ATP9B: variants seen among roughly 807,000 people sequenced by gnomAD.
The protein encoded by ATP9B is ATPase phospholipid transporting 9B.
Under a neutral mutation model 146.1 loss-of-function variants are expected in ATP9B, and 110 were observed. The observed-to-expected ratio is 0.75, with a 90% confidence interval of 0.65 to 0.88. The LOEUF is 0.88. ATP9B is among the 40% of genes least tolerant of loss of function. The pLI is 0.00. For missense variants in ATP9B, 1,499 were observed against 1,496.4 expected, an observed-to-expected ratio of 1.00 and a Z score of -0.03; for synonymous variants, 604 against 569.7, an observed-to-expected ratio of 1.06 and a Z score of -0.86.
chr18:79,213,552 A>G (rs1411550426), intron 10 of ATP9B, among the ~76,000 whole-genome samples: 1 of 152,172 alleles, frequency 6.6e-6, no homozygotes, highest in African/African-American at 2.4e-5. Flanking sequence ...ACACTAAAAG[A>G]AAGTGGTTCA....
intron 2 of ATP9B, among the ~76,000 whole-genome samples, chr18:79,102,750 A>T (rs2075374264): frequency 6.6e-6 from 1 of 152,132 alleles, no homozygotes; most frequent in Non-Finnish European, 1.5e-5. Flanking sequence ...TCCTATGTTG[A>T]GTCTTCTAGA....
intron 6 of ATP9B, among the ~76,000 whole-genome samples, chr18:79,149,132 A>G (rs2094641527): frequency 6.6e-6 from 1 of 152,248 alleles, no homozygotes; most frequent in Admixed American, 6.5e-5. Flanking sequence ...AAGTCTCAGC[A>G]GGGTTTTTTT....
intron 11 of ATP9B, among the ~76,000 whole-genome samples, chr18:79,235,433 G>A (rs138684822): frequency 0.015 from 2,341 of 151,930 alleles, 66 homozygotes; most frequent in African/African-American, 0.054. Flanking sequence ...TGTTTTCTGT[G>A]ACACTTTTTG....
chr18:79,240,202 TACA>T (rs1283618418), intron 11 of ATP9B, among the ~76,000 whole-genome samples: 3 of 152,340 alleles, frequency 2.0e-5, no homozygotes, highest in African/African-American at 7.2e-5. Context: ...TCATTTGGAT[TACA>T]ACATTAAATT....
chr18:79,197,587 A>G (rs2095428229), intron 9 of ATP9B, among the ~76,000 whole-genome samples: 1 of 152,148 alleles, frequency 6.6e-6, no homozygotes, highest in Admixed American at 6.5e-5. Context: ...TTCAGAGTAA[A>G]CTGTGATAAG....
chr18:79,221,135 C>T (rs914531263), intron 11 of ATP9B, among the ~76,000 whole-genome samples: 1 of 152,194 alleles, frequency 6.6e-6, no homozygotes. Flanking sequence ...ACTGTGTGGC[C>T]GAGACCAGGC....
intron 4 of ATP9B, among the ~76,000 whole-genome samples, chr18:79,125,703 T>C (rs1188821603): frequency 9.2e-5 from 14 of 152,194 alleles, no homozygotes; most frequent in Non-Finnish European, 1.6e-4. Flanking sequence ...TAAAAATTTT[T>C]TTCTAGCTAG....
chr18:79,330,124 G>C lies in ATP9B; in HGVS notation c.2028+20G>C, dbSNP rs374517655. On this transcript the variant is annotated intron_variant, in intron 17 of 29. Coordinates refer to ENST00000426216, the MANE Select transcript of ATP9B (RefSeq NM_198531.5). ...GAGGAGGTATGTGAGTGACTCTAGCGTGGTTCACAGTGTTTCTATGGAAGA... is the reference window on the plus strand; with the variant it reads ...GAGGAGGTATGTGAGTGACTCTAGCCTGGTTCACAGTGTTTCTATGGAAGA... The C allele has an allele frequency of 3.1e-6, 5 of 1,603,216 alleles. No individual in the cohort carries two copies. The highest frequency in any genetic ancestry group is 1.7e-5 in the Admixed American group (1 of 59,950).
At position 79,162,452 on chromosome 18, in the gene ATP9B, T is replaced by A. The variant is rs539560464; in HGVS notation, c.778+7897T>A. ...TTCTTTTAGTGGTATTAAGAGAAAT[T>A]AATGCTTTAGAACTAATTTTCATCA... On this transcript the variant is annotated intron_variant, in intron 7 of 29. Transcript: ENST00000426216. 2.6e-5 allele frequency among the ~76,000 whole-genome samples: 4 copies of A among 152,360 alleles called. No individual in the cohort carries two copies. The South Asian group carries it at 8.3e-4, about 32-fold the overall frequency.
intron 1 of ATP9B, among the ~76,000 whole-genome samples, chr18:79,083,773 G>C (rs1385909789): frequency 6.6e-6 from 1 of 152,016 alleles, no homozygotes; most frequent in Non-Finnish European, 1.5e-5. Flanking sequence ...GATGAGCTGG[G>C]TACCTCAGTT....
In ATP9B at chr18:79,252,749, A is replaced by G. The variant is rs73973036; in HGVS notation, c.1108-632A>G. Among the ~76,000 whole-genome samples, 1,103 of 152,092 alleles carry G rather than the reference A, an allele frequency of 7.3e-3. 12 individuals are homozygous for G. Among genetic ancestry groups the G allele is most frequent in the African/African-American group, 0.017 (695 of 41,470 alleles). ...CCTTACTGGGAGAACACACAATGTA[A>G]GATCTGTGCAAATTAAAAAGGTTTT... On this transcript the variant is annotated intron_variant, in intron 11 of 29. Coordinates refer to ENST00000426216, the MANE Select transcript of ATP9B (RefSeq NM_198531.5).
chr18:79,077,769 C>G (rs1022521072), intron 1 of ATP9B, among the ~76,000 whole-genome samples: 7 of 152,162 alleles, frequency 4.6e-5, no homozygotes, highest in African/African-American at 1.7e-4. Flanking sequence ...TAAGAGAGTC[C>G]TCTCTACTTT....
In ATP9B at chr18:79,359,378, C is replaced by T. The variant is rs747137781; in HGVS notation, c.2928C>T (p.Phe976=). The T allele has an allele frequency of 6.2e-7, 1 of 1,613,826 alleles. No homozygotes were observed. Among genetic ancestry groups the T allele is most frequent in the Non-Finnish European group, 8.5e-7 (1 of 1,179,814 alleles). Reference sequence around the variant, plus strand: ...GGTATGCCACCATATACACCATGTTCCCAGTGTTCTCCTTAGTGCTGGACC... The same window carrying T: ...GGTATGCCACCATATACACCATGTTTCCAGTGTTCTCCTTAGTGCTGGACC... ...MVGYATIYTM[F]PVFSLVLDQD... is the part of the protein sequence containing the mutation. The change falls in exon 26 of 30, where the codon TTC becomes TTT. Residue 976 remains phenylalanine, a synonymous_variant. Transcript: ENST00000426216.
chr18:79,347,955 G>C, intron 24 of ATP9B, 30 bp downstream of exon 24: 1 of 1,606,890 alleles, frequency 6.2e-7, no homozygotes, highest in Admixed American at 1.7e-5. Flanking sequence ...GGCACCCATG[G>C]AGGGCAGGGT....
At position 79,180,975 on chromosome 18, in the gene ATP9B, GT is replaced by G. The variant is rs199971384; in HGVS notation, c.873+4082del. Reference sequence around the variant, plus strand: ...ACGCCCGGCTAATTTTTGTTTTTTTGTTTTTTTTTTTTTTAAGTGGAGACGG... The same window carrying G: ...ACGCCCGGCTAATTTTTGTTTTTTTGTTTTTTTTTTTTTAAGTGGAGACGG... On this transcript the variant is annotated intron_variant, in intron 8 of 29. Coordinates refer to ENST00000426216, the MANE Select transcript of ATP9B (RefSeq NM_198531.5). 1.6e-3 allele frequency among the ~76,000 whole-genome samples: 223 copies of G among 140,510 alleles called. 1 individual carries two copies. The highest frequency in any genetic ancestry group is 1.8e-3 in the Admixed American group (25 of 14,038). The allele number at this position is 140,510 out of a possible 152,430, so 92.2% of individuals were successfully genotyped here.
chr18:79,259,565 T>A (rs2096119368), intron 12 of ATP9B, among the ~76,000 whole-genome samples: 1 of 152,222 alleles, frequency 6.6e-6, no homozygotes, highest in Non-Finnish European at 1.5e-5. Context: ...AGGGTGTTTG[T>A]GTGGCTTAGG....
intron 15 of ATP9B, among the ~76,000 whole-genome samples, chr18:79,308,545 G>A (rs1041782609): frequency 6.6e-6 from 1 of 152,202 alleles, no homozygotes; most frequent in African/African-American, 2.4e-5. Context: ...AGGTGCAGAA[G>A]GCAACCTGCA....
At chr18:79,105,292 A>C (rs67147092) in intron 2 of ATP9B, among the ~76,000 whole-genome samples, 1 of 152,088 alleles carries the variant, frequency 6.6e-6, no homozygotes, top group Non-Finnish European at 1.5e-5. Flanking sequence ...TACTAACATT[A>C]TTTGGTGGCT....
chr18:79,192,558 A>G (rs2095377922), intron 8 of ATP9B, among the ~76,000 whole-genome samples: 2 of 152,214 alleles, frequency 1.3e-5, no homozygotes, highest in African/African-American at 4.8e-5. Flanking sequence ...TAGCCAATGA[A>G]TGAAGCAACC....
Sources: allele counts gnomAD v4.1 joint callset (sites outside exome capture counted in the v4.1 genomes callset), GRCh38; gene constraint gnomAD v4.1.1; transcripts MANE v1.5; gene names NCBI Gene and HGNC (gene_info 2026-07-23, HGNC 2026-07-21).